Variants in MRTFA observed in about 807,000 individuals in gnomAD.
MRTFA encodes the protein myocardin-related transcription factor A.
In MRTFA, 20 loss-of-function variants were observed where a neutral mutation model predicts 83.5. The ratio of observed to expected loss-of-function variants is 0.24; its 90% CI spans 0.17 to 0.35. The LOEUF (loss-of-function observed/expected upper bound fraction) is 0.35. Among genes scored for constraint, MRTFA ranks in the 10% least tolerant of loss-of-function variants. The pLI is 1.00. For missense variants in MRTFA, 1,200 were observed against 1,224.7 expected (o/e 0.98, Z 0.30); for synonymous variants, 659 against 541.2 (o/e 1.22, Z -3.02).
chr22:40,493,454 G>A (rs1211836336), intron 3 of MRTFA, among the ~76,000 whole-genome samples: 2 of 152,208 alleles, frequency 1.3e-5, no homozygotes, highest in Admixed American at 6.5e-5. Context: ...AGGGCCAACA[G>A]GGGCACTTTG....
At chr22:40,431,544 T>A in intron 5 of MRTFA, 64 bp from the exon 6 acceptor site, 3 of 1,479,296 alleles carry the variant, frequency 2.0e-6, no homozygotes, top group Non-Finnish European at 2.8e-6. Flanking sequence ...ATGGACAGGA[T>A]CACAACAGCA....
intron 2 of MRTFA, among the ~76,000 whole-genome samples, chr22:40,585,597 G>C (rs1168926630): frequency 1.3e-5 from 2 of 152,194 alleles, no homozygotes; most frequent in African/African-American, 4.8e-5. Context: ...ATAAATGAAA[G>C]TGGGGGAAAG....
At position 40,411,334 on chromosome 22, in the gene MRTFA, C is replaced by T. The variant is rs772794471; in HGVS notation, c.*56G>A. ...GAGGCCGAATCACGCAGGAGAGCCA[C>T]GCATTGGAGTACCCTGGCTCCCAGC... On this transcript the variant is annotated 3_prime_UTR_variant, in exon 15 of 15. Coordinates refer to ENST00000355630, the MANE Select transcript of MRTFA (RefSeq NM_020831.6). 22 of 1,491,830 alleles carry T rather than the reference C, an allele frequency of 1.5e-5. No individual in the cohort carries two copies. Among genetic ancestry groups the T allele is most frequent in the Admixed American group, 2.2e-5 (1 of 45,870 alleles). 92.4% of individuals were successfully genotyped at this position (1,491,830 alleles called of 1,614,324 possible).
intron 1 of MRTFA, among the ~76,000 whole-genome samples, chr22:40,632,143 C>A (rs560426388): frequency 1.3e-5 from 2 of 152,194 alleles, no homozygotes; most frequent in Non-Finnish European, 2.9e-5. Flanking sequence ...GGCATTCATG[C>A]GGAGAGGCCC....
At chr22:40,569,392 G>T in intron 2 of MRTFA, 1 of 194,398 alleles carries the variant, frequency 5.1e-6, no homozygotes. Flanking sequence ...AGAAATACCT[G>T]GACCTCCACC....
chr22:40,478,600 G>A (rs745732315), intron 3 of MRTFA, among the ~76,000 whole-genome samples: 23 of 151,816 alleles, frequency 1.5e-4, no homozygotes, highest in Non-Finnish European at 2.9e-4. Context: ...TAAACTCCTC[G>A]TACGTGTCCA....
In MRTFA at chr22:40,458,707, C is replaced by T. The variant is rs181889995; in HGVS notation, c.307+4514G>A. Among the ~76,000 whole-genome samples, 410 of 152,256 alleles carry T rather than the reference C, an allele frequency of 2.7e-3. 2 individuals carry two copies. Among genetic ancestry groups the T allele is most frequent in the Non-Finnish European group, 3.9e-3 (262 of 68,026 alleles). On this transcript the variant is annotated intron_variant, in intron 4 of 14. Transcript: ENST00000355630. ...ACAAAATACAGCCATAACTAACGTG[C>T]CCATTCCCTCGGCTTGAGGGCTCTG...
chr22:40,561,447 TGCCACTGTACTACA>T (rs1337049413), intron 2 of MRTFA, among the ~76,000 whole-genome samples: 6 of 148,506 alleles, frequency 4.0e-5, no homozygotes, highest in South Asian at 2.1e-4. Context: ...GTCAAGACTG[TGCCACTGTACTACA>T]GCCTGGATGA....
intron 4 of MRTFA, among the ~76,000 whole-genome samples, chr22:40,454,914 T>C (rs1324966890): frequency 6.6e-6 from 1 of 152,218 alleles, no homozygotes; most frequent in Non-Finnish European, 1.5e-5. Flanking sequence ...CATCCTCCTG[T>C]CTCAGCCTAC....
intron 1 of MRTFA, among the ~76,000 whole-genome samples, chr22:40,599,253 G>A (rs758168831): frequency 1.3e-5 from 2 of 152,102 alleles, no homozygotes; most frequent in East Asian, 1.9e-4. Context: ...AGCCGAGATC[G>A]GGCCATTGCA....
chr22:40,512,004 A>G (rs1316126867), intron 3 of MRTFA, among the ~76,000 whole-genome samples: 1 of 152,212 alleles, frequency 6.6e-6, no homozygotes, highest in Admixed American at 6.5e-5. Flanking sequence ...AGTAGTACAG[A>G]ACGAGGAGGG....
intron 14 of MRTFA, among the ~76,000 whole-genome samples, chr22:40,413,667 T>A (rs917134344): frequency 1.3e-5 from 2 of 151,678 alleles, no homozygotes; most frequent in Non-Finnish European, 2.9e-5. Context: ...ATGGTCTCGA[T>A]CTCCTGACCT....
chr22:40,601,531 TTCCATTTTACTG>T (rs1414740187), intron 1 of MRTFA, among the ~76,000 whole-genome samples: 1 of 152,230 alleles, frequency 6.6e-6, no homozygotes, highest in Non-Finnish European at 1.5e-5. Flanking sequence ...TTTTTAATAC[TTCCATTTTACTG>T]TCTTATAGTA....
chr22:40,546,580 G>A lies in MRTFA; in HGVS notation c.241+5526C>T, dbSNP rs187651146. ...CAATGGCAGTTTCTGAAGACAGGTAGTGACAGAAGCCATAAAGCAGTTGAG... is the reference window on the plus strand; with the variant it reads ...CAATGGCAGTTTCTGAAGACAGGTAATGACAGAAGCCATAAAGCAGTTGAG... On this transcript the variant is annotated intron_variant, in intron 3 of 14. Transcript: ENST00000355630. 9.6e-4 allele frequency among the ~76,000 whole-genome samples: 146 copies of A among 152,350 alleles called. 1 individual carries two copies. The Middle Eastern group carries it at 0.02, about 21-fold the overall frequency.
At chr22:40,576,625 C>T (rs1294039522) in intron 2 of MRTFA, among the ~76,000 whole-genome samples, 3 of 152,156 alleles carry the variant, frequency 2.0e-5, no homozygotes, top group African/African-American at 7.2e-5. Context: ...GCTTAAACTT[C>T]AAATTGTCCC....
At chr22:40,535,888 T>C (rs564821871) in intron 3 of MRTFA, among the ~76,000 whole-genome samples, 1 of 152,252 alleles carries the variant, frequency 6.6e-6, no homozygotes, top group South Asian at 2.1e-4. Context: ...AGTCATGTGA[T>C]AGGAATAACA....
intron 2 of MRTFA, among the ~76,000 whole-genome samples, chr22:40,589,162 T>TC (rs915410983): frequency 7.9e-5 from 12 of 151,782 alleles, no homozygotes; most frequent in African/African-American, 2.7e-4. Context: ...AATCTAAATC[T>TC]CCCCCCAAGA....
intron 3 of MRTFA, among the ~76,000 whole-genome samples, chr22:40,479,664 G>A (rs1892417224): frequency 6.6e-6 from 1 of 152,052 alleles, no homozygotes; most frequent in African/African-American, 2.4e-5. Context: ...AATGATTCCT[G>A]TAAATCAACA....
At chr22:40,604,886 T>C (rs2147401702) in intron 1 of MRTFA, among the ~76,000 whole-genome samples, 1 of 152,268 alleles carries the variant, frequency 6.6e-6, no homozygotes, top group South Asian at 2.1e-4. Flanking sequence ...ATGCAATCTG[T>C]CTGTTGTTGT....
Sources: gnomAD v4.1 joint callset for allele counts (sites outside exome capture counted in the v4.1 genomes callset) on GRCh38, gnomAD v4.1.1 for gene constraint, MANE v1.5 for transcripts, NCBI Gene and HGNC (gene_info 2026-07-23, HGNC 2026-07-21) for gene names.